METTL14: variants seen among roughly 807,000 people sequenced by gnomAD.
METTL14 encodes the protein methyltransferase 14, N6-adenosine-methyltransferase non-catalytic subunit.
Under a neutral mutation model 62.4 loss-of-function variants are expected in METTL14, and 32 were observed. That is an observed-to-expected ratio of 0.51 (90% CI 0.39 to 0.69). METTL14 has a LOEUF of 0.69. Among genes scored for constraint, METTL14 ranks in the 30% least tolerant of loss-of-function variants. METTL14 has a pLI of 0.00. For missense variants in METTL14, 340 were observed against 551.9 expected (o/e 0.62, Z 3.85); for synonymous variants, 150 against 180.0 (o/e 0.83, Z 1.34).
At chr4:118,686,581 T>G (rs1724067894) in intron 1 of METTL14, 2 of 456,148 alleles carry the variant, frequency 4.4e-6, no homozygotes, top group South Asian at 3.1e-5. Context: ...CCGTGGAAAC[T>G]TGGAGTCAGA....
intron 9 of METTL14, 71 bp from the exon 10 acceptor site, chr4:118,705,540 A>T (rs763523990): frequency 2.0e-5 from 24 of 1,184,708 alleles, no homozygotes; most frequent in Non-Finnish European, 3.0e-5. Flanking sequence ...AATTGAGGAC[A>T]TCAGAAATGT....
intron 3 of METTL14, 139 bp downstream of exon 3, chr4:118,689,596 C>T (rs1724181790): frequency 3.9e-6 from 2 of 506,370 alleles, no homozygotes; most frequent in Non-Finnish European, 7.2e-6. Context: ...ATGTTATCAC[C>T]AGTTACATTA....
chr4:118,706,070 G>A (rs999105552), intron 10 of METTL14, among the ~76,000 whole-genome samples: 1 of 152,120 alleles, frequency 6.6e-6, no homozygotes, highest in African/African-American at 2.4e-5. Flanking sequence ...TGGTACATTT[G>A]TTACAAATGA....
At chr4:118,700,748 C>A in intron 8 of METTL14, 106 bp downstream of exon 8, 1 of 704,222 alleles carries the variant, frequency 1.4e-6, no homozygotes, top group South Asian at 2.7e-5. Context: ...TCCTTTGTTT[C>A]TTAAATAATT....
chr4:118,688,998 C>T (rs1355661399), intron 2 of METTL14, among the ~76,000 whole-genome samples: 1 of 152,142 alleles, frequency 6.6e-6, no homozygotes, highest in Non-Finnish European at 1.5e-5. Flanking sequence ...AGAAAATATA[C>T]TTTATCCTAA....
In METTL14 at chr4:118,685,544, C is replaced by A; in HGVS notation, c.10C>A (p.Arg4Ser). 6.2e-7 allele frequency: 1 copy of A among 1,614,130 alleles called. No individual in the cohort carries two copies. The highest frequency in any genetic ancestry group is 1.6e-4 in the Middle Eastern group (1 of 6,062). The change falls in exon 1 of 11, where the codon CGC becomes AGC. Residue 4 changes from arginine to serine, a missense_variant. Arg to Ser is a moderately radical substitution (Grantham distance 110). Coordinates refer to ENST00000388822, the MANE Select transcript of METTL14 (RefSeq NM_020961.4). MDSRLQEIRERQKL... is the reference protein window; with the variant it reads MDSSLQEIRERQKL... Reference sequence around the variant, plus strand: ...AAGCCGGAGTTGGAACATGGATAGCCGCTTGCAGGAGATCCGGGAGCGGCA... The same window carrying A: ...AAGCCGGAGTTGGAACATGGATAGCAGCTTGCAGGAGATCCGGGAGCGGCA...
rs571057818 is a variant in METTL14 at position 118,713,170 on chromosome 4, G to C, written c.*2868G>C. 1 of 152,120 alleles carries C rather than the reference G, an allele frequency of 6.6e-6. No individual in the cohort carries two copies. The highest frequency in any genetic ancestry group is 2.4e-5 in the African/African-American group (1 of 41,406). 9.4% of individuals were successfully genotyped at this position (152,120 alleles called of 1,614,324 possible). A position where few individuals can be genotyped will look rare whatever the true frequency, so the allele number is the denominator to read the frequency against. ...ATCACTACTGCAGCAGTTCTGCTCT[G>C]TTACTCTGGTAAGTAGTAGAGCCAC... On this transcript the variant is annotated 3_prime_UTR_variant, in exon 11 of 11. Coordinates refer to ENST00000388822, the MANE Select transcript of METTL14 (RefSeq NM_020961.4).
rs111795252 is a variant in METTL14 at position 118,704,161 on chromosome 4, A to T, written c.855+110A>T. 2.7e-3 allele frequency: 1,789 copies of T among 653,486 alleles called. 34 individuals are homozygous for T. The African/African-American group carries it at 0.031, about 11-fold the overall frequency. The allele number at this position is 653,486 out of a possible 1,614,324, so 40.5% of individuals were successfully genotyped here. ...TTCAGTGAAAAGGTCCTTTTCTTAG[A>T]CTTGTAAAGACAGCATTGAGCATTA... On this transcript the variant is annotated intron_variant, in intron 9 of 10. Coordinates refer to ENST00000388822, the MANE Select transcript of METTL14 (RefSeq NM_020961.4).
At chr4:118,699,781 A>C (rs1235441150) in intron 7 of METTL14, among the ~76,000 whole-genome samples, 1 of 152,094 alleles carries the variant, frequency 6.6e-6, no homozygotes, top group Non-Finnish European at 1.5e-5. Flanking sequence ...CTGTACTTCA[A>C]CTCTGGCTGG....
chr4:118,694,066 A>T (rs1298658475), intron 5 of METTL14, among the ~76,000 whole-genome samples: 1 of 136,720 alleles, frequency 7.3e-6, no homozygotes, highest in African/African-American at 2.7e-5. Context: ...TAGGATAAGG[A>T]TTTTTTTTTT....
intron 10 of METTL14, among the ~76,000 whole-genome samples, chr4:118,708,629 C>T (rs1250670083): frequency 1.3e-5 from 2 of 152,164 alleles, no homozygotes; most frequent in African/African-American, 4.8e-5. Context: ...AAGTATTGTA[C>T]AGAAATGGCT....
At chr4:118,701,915 T>A (rs545480994) in intron 8 of METTL14, among the ~76,000 whole-genome samples, 1 of 152,290 alleles carries the variant, frequency 6.6e-6, no homozygotes. Context: ...ATTTATTAAC[T>A]CCAAGGTAAA....
At chr4:118,686,557 G>A (rs1318183708) in intron 1 of METTL14, 2 of 455,510 alleles carry the variant, frequency 4.4e-6, no homozygotes, top group African/African-American at 4.0e-5. Flanking sequence ...CAGATTTGTG[G>A]AATATGGCTA....
chr4:118,689,241 C>A (rs181646257), intron 2 of METTL14, 129 bp from the exon 3 acceptor site: 7 of 491,462 alleles, frequency 1.4e-5, no homozygotes, highest in African/African-American at 1.2e-4. Context: ...TTATAAACTG[C>A]GTAGATAGAT....
intron 5 of METTL14, among the ~76,000 whole-genome samples, chr4:118,692,929 T>C (rs73843460): frequency 0.029 from 4,479 of 152,292 alleles, 217 homozygotes; most frequent in African/African-American, 0.1. Flanking sequence ...TTATACAATG[T>C]GTGGTGGTTT....
intron 5 of METTL14, among the ~76,000 whole-genome samples, chr4:118,693,140 C>T (rs72905467): frequency 0.037 from 5,654 of 152,228 alleles, 286 homozygotes; most frequent in African/African-American, 0.12. Flanking sequence ...TTCTTCACAT[C>T]TTTGGCACTT....
chr4:118,698,432 G>A (rs572964985), intron 7 of METTL14, among the ~76,000 whole-genome samples: 215 of 127,424 alleles, frequency 1.7e-3, no homozygotes, highest in Non-Finnish European at 2.9e-3. Flanking sequence ...CAGCCTGGGC[G>A]ACACAGCAAG....
chr4:118,697,488 A>G (rs1414455234), intron 7 of METTL14, 165 bp downstream of exon 7: 3 of 566,852 alleles, frequency 5.3e-6, no homozygotes, highest in African/African-American at 3.9e-5. Context: ...ATTGACTAAT[A>G]TTACATTATC....
intron 8 of METTL14, among the ~76,000 whole-genome samples, chr4:118,701,173 G>GTTTTTTTTTTTTTTTTTTTTTTTTTTTTT (rs370557403): frequency 3.5e-5 from 4 of 114,110 alleles, no homozygotes; most frequent in African/African-American, 8.8e-5. Context: ...TTTTATTGGA[G>GTTTTTTTTTTTTTTTTTTTTTTTTTTTTT]TTTTTTTTTG....
Sources: allele counts gnomAD v4.1 joint callset (sites outside exome capture counted in the v4.1 genomes callset), GRCh38; gene constraint gnomAD v4.1.1; transcripts MANE v1.5; gene names NCBI Gene and HGNC (gene_info 2026-07-23, HGNC 2026-07-21).